The following RORA variants were observed in gnomAD, a reference collection of about 807,000 sequenced individuals.
The protein encoded by RORA is nuclear receptor ROR-alpha.
A neutral mutation model predicts 69.5 loss-of-function variants in RORA; 7 were observed. The ratio of observed to expected loss-of-function variants is 0.10; its 90% CI spans 0.06 to 0.19. RORA has a LOEUF of 0.19. RORA is among the 10% of genes least tolerant of loss of function. The probability of loss-of-function intolerance (pLI) is 1.00; values close to 1 mark genes in which losing one functional copy is unlikely to be tolerated. For synonymous variants in RORA, 261 were observed against 240.8 expected (o/e 1.08, Z -0.78); for missense variants, 457 against 663.0 (o/e 0.69, Z 3.41).
chr15:61,028,042 A>T (rs970934185), intron 1 of RORA, among the ~76,000 whole-genome samples: 6 of 151,886 alleles, frequency 4.0e-5, no homozygotes, highest in African/African-American at 1.5e-4. Context: ...GCTCAAAAAT[A>T]TTTTTTTTCC....
chr15:60,761,040 GA>G (rs2071880229), intron 1 of RORA, among the ~76,000 whole-genome samples: 1 of 152,112 alleles, frequency 6.6e-6, no homozygotes, highest in South Asian at 2.1e-4. Flanking sequence ...GGAGGGGTGG[GA>G]ATATGAAATT....
At chr15:61,148,512 A>G (rs1450534642) in intron 1 of RORA, among the ~76,000 whole-genome samples, 2 of 152,218 alleles carry the variant, frequency 1.3e-5, no homozygotes, top group African/African-American at 4.8e-5. Context: ...TCTGGAAACA[A>G]CAAGGCATGA....
intron 1 of RORA, among the ~76,000 whole-genome samples, chr15:60,910,442 AATT>A (rs1428377555): frequency 6.6e-6 from 1 of 152,202 alleles, no homozygotes; most frequent in Non-Finnish European, 1.5e-5. Context: ...TTTTTCAGAA[AATT>A]ATTTGGAAGA....
chr15:61,212,854 C>T (rs902110968), intron 1 of RORA, among the ~76,000 whole-genome samples: 3 of 152,184 alleles, frequency 2.0e-5, no homozygotes, highest in Admixed American at 6.5e-5. Context: ...ATTTCAAAAT[C>T]CATGAACATC....
intron 1 of RORA, among the ~76,000 whole-genome samples, chr15:60,760,290 A>G (rs1595692579): frequency 1.3e-5 from 2 of 152,192 alleles, no homozygotes; most frequent in Non-Finnish European, 2.9e-5. Context: ...TCTCTTCCAC[A>G]TGAAGCGTAT....
intron 2 of RORA, among the ~76,000 whole-genome samples, chr15:60,575,711 TGCCTGGGTCAAAATCACCGAA>T (rs1440307890): frequency 1.3e-5 from 2 of 152,232 alleles, no homozygotes; most frequent in Non-Finnish European, 2.9e-5. Flanking sequence ...TAGTTTTCCA[TGCCTGGGTCAAAATCACCGAA>T]TAATGCAAAA....
At chr15:61,090,058 A>G (rs1033779527) in intron 1 of RORA, among the ~76,000 whole-genome samples, 2 of 152,236 alleles carry the variant, frequency 1.3e-5, no homozygotes, top group Admixed American at 6.5e-5. Context: ...GTTTTTGCCC[A>G]GAAGACTTTT....
At chr15:61,191,549 G>A (rs531578320) in intron 1 of RORA, among the ~76,000 whole-genome samples, 1 of 152,298 alleles carries the variant, frequency 6.6e-6, no homozygotes, top group South Asian at 2.1e-4. Context: ...AACCATTTTA[G>A]TCAAGCCCAG....
At chr15:61,200,177 C>T (rs1278079794) in intron 1 of RORA, among the ~76,000 whole-genome samples, 2 of 152,212 alleles carry the variant, frequency 1.3e-5, no homozygotes, top group Admixed American at 6.5e-5. Flanking sequence ...TCCACCTTGA[C>T]AGGAGAGTCG....
In RORA at chr15:60,964,714, A is replaced by G. The variant is rs111939391; in HGVS notation, c.166+264339T>C. ...GCCTGAGCAGTTGCCAAGGGAGCTT[A>G]TGAATGCACTGGGAGGAACTAGTTG... On this transcript the variant is annotated intron_variant, in intron 1 of 10. Transcript: ENST00000335670. Among the ~76,000 whole-genome samples, 704 of 152,298 alleles carry G rather than the reference A, an allele frequency of 4.6e-3. 3 individuals are homozygous for G. Among genetic ancestry groups the G allele is most frequent in the Non-Finnish European group, 8.4e-3 (572 of 68,022 alleles).
intron 2 of RORA, among the ~76,000 whole-genome samples, chr15:60,565,823 A>C (rs2067698538): frequency 6.6e-6 from 1 of 152,214 alleles, no homozygotes. Context: ...CCACTTAAAC[A>C]CTTAAGGAAA....
chr15:61,169,546 G>A (rs1180886929), intron 1 of RORA, among the ~76,000 whole-genome samples: 2 of 151,200 alleles, frequency 1.3e-5, no homozygotes, highest in African/African-American at 2.4e-5. Context: ...CACGGCTTCA[G>A]CAGGGAGCTA....
chr15:61,173,570 C>T (rs1182570461), intron 1 of RORA, among the ~76,000 whole-genome samples: 1 of 152,208 alleles, frequency 6.6e-6, no homozygotes. Flanking sequence ...TCTTCTAGGT[C>T]TGCACAAAAC....
chr15:61,089,044 C>T (rs2078666288), intron 1 of RORA, among the ~76,000 whole-genome samples: 3 of 152,212 alleles, frequency 2.0e-5, no homozygotes, highest in Admixed American at 2.0e-4. Flanking sequence ...CCCCCAGAAC[C>T]ATTGGGAGTG....
At chr15:60,560,913 AT>A (rs1445022985) in intron 2 of RORA, among the ~76,000 whole-genome samples, 1 of 152,140 alleles carries the variant, frequency 6.6e-6, no homozygotes, top group African/African-American at 2.4e-5. Flanking sequence ...AATAAAACAT[AT>A]TGTCTTCACT....
At chr15:60,540,623 G>A (rs1192012539) in intron 2 of RORA, among the ~76,000 whole-genome samples, 1 of 143,428 alleles carries the variant, frequency 7.0e-6, no homozygotes, top group African/African-American at 2.6e-5. Flanking sequence ...AAGATGTGCA[G>A]AAATGGGTCA....
intron 2 of RORA, among the ~76,000 whole-genome samples, chr15:60,663,590 G>A (rs2070335866): frequency 6.6e-6 from 1 of 152,122 alleles, no homozygotes; most frequent in Non-Finnish European, 1.5e-5. Flanking sequence ...CAAGTAGTTG[G>A]GATCACAGGC....
chr15:61,125,305 G>A (rs572095472), intron 1 of RORA, among the ~76,000 whole-genome samples: 3 of 152,226 alleles, frequency 2.0e-5, no homozygotes, highest in African/African-American at 4.8e-5. Context: ...ATGGTGTTTG[G>A]GTATTATCCT....
intron 1 of RORA, among the ~76,000 whole-genome samples, chr15:61,054,818 T>C (rs782950): frequency 0.013 from 1,867 of 143,736 alleles, 38 homozygotes; most frequent in African/African-American, 0.046. Context: ...TTTTGTTTTT[T>C]GTTTTTTGTT....
Sources: gnomAD v4.1 joint callset for allele counts (sites outside exome capture counted in the v4.1 genomes callset) on GRCh38, gnomAD v4.1.1 for gene constraint, MANE v1.5 for transcripts, NCBI Gene and HGNC (gene_info 2026-07-23, HGNC 2026-07-21) for gene names.